Variants in FOXN3 observed in about 807,000 individuals in gnomAD.
FOXN3 encodes forkhead box N3.
FOXN3 carries 7 observed loss-of-function variants against 38.4 expected under a neutral mutation model. The observed-to-expected ratio is 0.18, with a 90% CI of 0.10 to 0.34. FOXN3 has a LOEUF of 0.34. Among genes scored for constraint, FOXN3 ranks in the 10% least tolerant of loss-of-function variants. The probability of loss-of-function intolerance (pLI) is 1.00; values close to 1 mark genes in which losing one functional copy is unlikely to be tolerated. For missense variants in FOXN3, 456 were observed against 613.4 expected, an observed-to-expected ratio of 0.74 and a Z score of 2.71; for synonymous variants, 230 against 242.2, an observed-to-expected ratio of 0.95 and a Z score of 0.47.
At chr14:89,422,420 CTG>C (rs1225632892) in intron 1 of FOXN3, among the ~76,000 whole-genome samples, 2 of 152,148 alleles carry the variant, frequency 1.3e-5, no homozygotes, top group African/African-American at 4.8e-5. Context: ...GTCAGTGAGA[CTG>C]GAACAAATGA....
At chr14:89,244,862 C>T (rs553699424) in intron 4 of FOXN3, among the ~76,000 whole-genome samples, 1 of 152,184 alleles carries the variant, frequency 6.6e-6, no homozygotes, top group African/African-American at 2.4e-5. Context: ...TTGCACTGGG[C>T]ACCTGTGCGT....
At chr14:89,575,777 C>A (rs1197478339) in intron 1 of FOXN3, among the ~76,000 whole-genome samples, 1 of 152,232 alleles carries the variant, frequency 6.6e-6, no homozygotes, top group African/African-American at 2.4e-5. Flanking sequence ...CCCCAGTTCA[C>A]GCTTTTGTCT....
intron 3 of FOXN3, among the ~76,000 whole-genome samples, chr14:89,329,855 C>CAAAAAAAAAA (rs57791098): frequency 4.2e-4 from 25 of 59,866 alleles, no homozygotes; most frequent in African/African-American, 1.1e-3. Context: ...GACTCAGTCT[C>CAAAAAAAAAA]AAAAAAAAAA....
At chr14:89,473,420 G>C (rs991366357) in intron 1 of FOXN3, among the ~76,000 whole-genome samples, 13 of 151,052 alleles carry the variant, frequency 8.6e-5, no homozygotes. Flanking sequence ...CTGGAGTGCA[G>C]TGGCGTGATT....
chr14:89,611,572 C>T (rs950285547), intron 1 of FOXN3, among the ~76,000 whole-genome samples: 10 of 152,216 alleles, frequency 6.6e-5, no homozygotes, highest in East Asian at 5.8e-4. Context: ...TTTGGGAGGC[C>T]AAGGCGGGCG....
intron 3 of FOXN3, among the ~76,000 whole-genome samples, chr14:89,282,407 G>A (rs1172245592): frequency 6.6e-6 from 1 of 152,142 alleles, no homozygotes; most frequent in Non-Finnish European, 1.5e-5. Flanking sequence ...AGCTTCACAG[G>A]GTAACAGCAG....
At chr14:89,420,202 C>T (rs1891866213), upstream of FOXN3, among the ~76,000 whole-genome samples, 1 of 152,250 alleles carries the variant, frequency 6.6e-6, no homozygotes, top group Non-Finnish European at 1.5e-5. Context: ...GCACCCACCA[C>T]CTTTGAACTG....
At chr14:89,506,183 G>A (rs566891144) in intron 1 of FOXN3, among the ~76,000 whole-genome samples, 3 of 71,234 alleles carry the variant, frequency 4.2e-5, no homozygotes, top group Admixed American at 1.5e-4. Context: ...CAGCTGCCCC[G>A]TCCGGGCGGT....
rs79676747 is a variant in FOXN3 at position 89,319,905 on chromosome 14, C to T, written c.680+30767G>A. On this transcript the variant is annotated intron_variant, in intron 3 of 5. Coordinates refer to ENST00000557258, the MANE Select transcript of FOXN3 (RefSeq NM_005197.4). The stretch of plus-strand genomic sequence containing the variant: ...ACATATTACAAATCACCAACCAGGG[C>T]TAATAGGTCTCGAGGTTGCTGGTAC... 5.4e-3 allele frequency among the ~76,000 whole-genome samples: 819 copies of T among 152,274 alleles called. 3 individuals are homozygous for T. Among genetic ancestry groups the T allele is most frequent in the African/African-American group, 0.019 (799 of 41,552 alleles).
intron 1 of FOXN3, among the ~76,000 whole-genome samples, chr14:89,575,209 C>T (rs950085103): frequency 1.1e-4 from 17 of 152,158 alleles, no homozygotes; most frequent in African/African-American, 4.1e-4. Flanking sequence ...GAAGGGGACC[C>T]CCAAGCGACA....
chr14:89,241,523 T>C lies in FOXN3; in HGVS notation c.745+39427A>G, dbSNP rs1885139880. Among the ~76,000 whole-genome samples the C allele has an allele frequency of 3.3e-5, 5 of 152,148 alleles. No individual in the cohort carries two copies. In the South Asian group the frequency reaches 8.3e-4, roughly 25 times the overall value. On this transcript the variant is annotated intron_variant, in intron 4 of 5. Transcript: ENST00000557258. ...TCCTTTCTGGCTGTGTGACATCAGG[T>C]GATACACTTACCTTCCAATCTCAGT...
At chr14:89,506,544 G>A (rs1347624668) in intron 1 of FOXN3, among the ~76,000 whole-genome samples, 1 of 151,266 alleles carries the variant, frequency 6.6e-6, no homozygotes, top group Non-Finnish European at 1.5e-5. Flanking sequence ...CCGTCCGGGA[G>A]GTGAGGGGCG....
At chr14:89,546,329 C>CTTTCTTTTTTTTTTTTTTTTTT (rs1555359724) in intron 1 of FOXN3, among the ~76,000 whole-genome samples, 1 of 78,314 alleles carries the variant, frequency 1.3e-5, no homozygotes, top group African/African-American at 5.4e-5. Context: ...TTTCCTTTTT[C>CTTTCTTTTTTTTTTTTTTTTTT]TTTTTTTTTT....
At chr14:89,367,055 A>G (rs1301471477) in intron 2 of FOXN3, among the ~76,000 whole-genome samples, 1 of 152,150 alleles carries the variant, frequency 6.6e-6, no homozygotes, top group Non-Finnish European at 1.5e-5. Context: ...TTTTATTTTA[A>G]TAAATAATCA....
intron 3 of FOXN3, among the ~76,000 whole-genome samples, chr14:89,299,136 G>A (rs1428440252): frequency 6.6e-6 from 1 of 152,088 alleles, no homozygotes; most frequent in Non-Finnish European, 1.5e-5. Flanking sequence ...AGCCTAGAAA[G>A]TAGCTGATAT....
intron 3 of FOXN3, among the ~76,000 whole-genome samples, chr14:89,319,367 C>A (rs942993216): frequency 6.6e-6 from 1 of 152,014 alleles, no homozygotes; most frequent in Non-Finnish European, 1.5e-5. Context: ...GATGCAAGCC[C>A]CCACCCAGGA....
At chr14:89,575,736 C>G (rs2139901612) in intron 1 of FOXN3, among the ~76,000 whole-genome samples, 1 of 152,336 alleles carries the variant, frequency 6.6e-6, no homozygotes, top group South Asian at 2.1e-4. Context: ...CCGATGGTCT[C>G]TAACAACTGT....
intron 3 of FOXN3, among the ~76,000 whole-genome samples, chr14:89,329,036 G>A (rs1888160992): frequency 6.6e-6 from 1 of 152,218 alleles, no homozygotes; most frequent in East Asian, 1.9e-4. Flanking sequence ...ACCATGCAAG[G>A]CCTCGGCCTG....
intron 2 of FOXN3, among the ~76,000 whole-genome samples, chr14:89,403,936 G>A (rs1247634960): frequency 6.6e-6 from 1 of 152,218 alleles, no homozygotes; most frequent in Non-Finnish European, 1.5e-5. Context: ...AGGGCATACA[G>A]CAGTGGAGTA....
Sources: allele counts gnomAD v4.1 joint callset (sites outside exome capture counted in the v4.1 genomes callset), GRCh38; gene constraint gnomAD v4.1.1; transcripts MANE v1.5; gene names NCBI Gene and HGNC (gene_info 2026-07-23, HGNC 2026-07-21).